The following ARHGAP15 variants were observed in gnomAD, a reference collection of about 807,000 sequenced individuals.
ARHGAP15 encodes Rho GTPase activating protein 15, also known as rho GTPase-activating protein 15.
Under a neutral mutation model 63.7 loss-of-function variants are expected in ARHGAP15, and 51 were observed. The ratio of observed to expected loss-of-function variants is 0.80; its 90% CI spans 0.64 to 1.01. The LOEUF (loss-of-function observed/expected upper bound fraction) is 1.01. ARHGAP15 is among the 50% of genes least tolerant of loss of function. The probability of loss-of-function intolerance (pLI) is 0.00; values close to 1 mark genes in which losing one functional copy is unlikely to be tolerated. For synonymous variants in ARHGAP15, 191 were observed against 193.8 expected, an observed-to-expected ratio of 0.99 and a Z score of 0.12; for missense variants, 560 against 564.6, an observed-to-expected ratio of 0.99 and a Z score of 0.08.
At position 143,336,161 on chromosome 2, in the gene ARHGAP15, G is replaced by A. The variant is rs556127104; in HGVS notation, c.474+85561G>A. 5.3e-3 allele frequency among the ~76,000 whole-genome samples: 804 copies of A among 151,986 alleles called. 6 individuals are homozygous for A. Among genetic ancestry groups the A allele is most frequent in the Non-Finnish European group, 7.0e-3 (473 of 67,942 alleles). On this transcript the variant is annotated intron_variant, in intron 6 of 13. Transcript: ENST00000295095. ...GACTACAGGAGCACAGCAGCACACC[G>A]CCACACCTGGCTAATTTTTGTATTT...
At chr2:143,290,158 G>T (rs4662198) in intron 6 of ARHGAP15, among the ~76,000 whole-genome samples, 33,340 of 152,014 alleles carry the variant, frequency 0.22, 4,167 homozygotes, top group South Asian at 0.39. Context: ...ACAGCTCCAT[G>T]ACTTTCCCAA....
chr2:143,397,938 G>A (rs773363974), intron 6 of ARHGAP15, among the ~76,000 whole-genome samples: 2 of 152,080 alleles, frequency 1.3e-5, no homozygotes, highest in Non-Finnish European at 2.9e-5. Context: ...TGAGTAACTG[G>A]ATGAAATCTG....
chr2:143,738,797 TATGTCCTTAACGCCAGGTTAA>T (rs1161420548), intron 13 of ARHGAP15, among the ~76,000 whole-genome samples: 1 of 152,188 alleles, frequency 6.6e-6, no homozygotes, highest in Non-Finnish European at 1.5e-5. Flanking sequence ...CACAGACTGA[TATGTCCTTAACGCCAGGTTAA>T]ATGTCCTTAA....
chr2:143,321,492 G>T (rs1163124886), intron 6 of ARHGAP15, among the ~76,000 whole-genome samples: 1 of 152,172 alleles, frequency 6.6e-6, no homozygotes, highest in Non-Finnish European at 1.5e-5. Context: ...GGTAACTTCC[G>T]GGGGAAAGTC....
intron 11 of ARHGAP15, among the ~76,000 whole-genome samples, chr2:143,575,594 C>T (rs922254503): frequency 6.6e-6 from 1 of 152,074 alleles, no homozygotes; most frequent in Non-Finnish European, 1.5e-5. Flanking sequence ...TTTAAATACA[C>T]CATCCTAAAA....
intron 6 of ARHGAP15, among the ~76,000 whole-genome samples, chr2:143,310,611 A>C (rs1176156306): frequency 6.6e-6 from 1 of 152,058 alleles, no homozygotes; most frequent in Non-Finnish European, 1.5e-5. Flanking sequence ...AAAGCTATGC[A>C]TCTGAGTATA....
chr2:143,328,789 T>A (rs1253126656), intron 6 of ARHGAP15, among the ~76,000 whole-genome samples: 1 of 152,196 alleles, frequency 6.6e-6, no homozygotes, highest in African/African-American at 2.4e-5. Flanking sequence ...CTGACTATAG[T>A]CAACAATAAT....
At chr2:143,618,804 A>G (rs1698540838) in intron 11 of ARHGAP15, among the ~76,000 whole-genome samples, 1 of 151,722 alleles carries the variant, frequency 6.6e-6, no homozygotes, top group Non-Finnish European at 1.5e-5. Flanking sequence ...ACAAAGCAAT[A>G]TATAATACAA....
intron 6 of ARHGAP15, among the ~76,000 whole-genome samples, chr2:143,303,774 C>T (rs907494729): frequency 5.3e-5 from 8 of 151,750 alleles, no homozygotes; most frequent in African/African-American, 1.7e-4. Context: ...AGAAAAAACC[C>T]CATCAAAAAG....
At chr2:143,455,455 C>CT (rs981097951) in intron 8 of ARHGAP15, among the ~76,000 whole-genome samples, 15 of 152,006 alleles carry the variant, frequency 9.9e-5, no homozygotes, top group African/African-American at 3.4e-4. Flanking sequence ...CATCCTGTGA[C>CT]TAAGAATATC....
At chr2:143,483,675 G>A (rs79703650) in intron 8 of ARHGAP15, among the ~76,000 whole-genome samples, 11,270 of 152,236 alleles carry the variant, frequency 0.074, 631 homozygotes, top group East Asian at 0.22. Flanking sequence ...TGGTCACTGC[G>A]ATGACTGGAC....
intron 13 of ARHGAP15, among the ~76,000 whole-genome samples, chr2:143,759,112 G>A (rs1686675479): frequency 6.6e-6 from 1 of 152,058 alleles, no homozygotes; most frequent in African/African-American, 2.4e-5. Flanking sequence ...TTAGACACCA[G>A]TAGCAATTTC....
intron 8 of ARHGAP15, among the ~76,000 whole-genome samples, chr2:143,461,070 G>A (rs533200271): frequency 6.6e-6 from 1 of 151,878 alleles, no homozygotes; most frequent in South Asian, 2.1e-4. Context: ...CAGATGGATC[G>A]CCTCGGGTCA....
intron 6 of ARHGAP15, among the ~76,000 whole-genome samples, chr2:143,418,899 G>A (rs1214101141): frequency 1.3e-5 from 2 of 152,086 alleles, no homozygotes; most frequent in South Asian, 2.1e-4. Flanking sequence ...TTCTTGTATC[G>A]AAGATTTGCT....
intron 2 of ARHGAP15, among the ~76,000 whole-genome samples, chr2:143,177,309 G>C (rs1350164455): frequency 6.6e-6 from 1 of 152,100 alleles, no homozygotes; most frequent in African/African-American, 2.4e-5. Flanking sequence ...AGAATTAAAA[G>C]GAATTCTTCT....
At chr2:143,258,551 G>A (rs1487506780) in intron 6 of ARHGAP15, among the ~76,000 whole-genome samples, 1 of 152,040 alleles carries the variant, frequency 6.6e-6, no homozygotes, top group African/African-American at 2.4e-5. Context: ...AAATTCAAAA[G>A]GATATAAAAC....
chr2:143,714,925 T>A (rs1684741180), intron 13 of ARHGAP15, among the ~76,000 whole-genome samples: 1 of 152,216 alleles, frequency 6.6e-6, no homozygotes, highest in Admixed American at 6.5e-5. Flanking sequence ...TGTCTTCTTC[T>A]GAGCCCTCCA....
chr2:143,665,673 T>G (rs1399067861), intron 12 of ARHGAP15, among the ~76,000 whole-genome samples: 1 of 134,272 alleles, frequency 7.4e-6, no homozygotes, highest in Non-Finnish European at 1.6e-5. Flanking sequence ...AAAACCCCAT[T>G]GTCTCAGCCC....
intron 8 of ARHGAP15, among the ~76,000 whole-genome samples, chr2:143,453,896 G>T (rs1690524531): frequency 6.6e-6 from 1 of 151,910 alleles, no homozygotes; most frequent in African/African-American, 2.4e-5. Flanking sequence ...GCTTCAGAAG[G>T]GAGCAGAAAA....
Sources: gnomAD v4.1 joint callset for allele counts (sites outside exome capture counted in the v4.1 genomes callset) on GRCh38, gnomAD v4.1.1 for gene constraint, MANE v1.5 for transcripts, NCBI Gene and HGNC (gene_info 2026-07-23, HGNC 2026-07-21) for gene names.